Variants in DNAI7 observed in about 807,000 individuals in gnomAD.
The protein encoded by DNAI7 is cancer susceptibility 1.
A neutral mutation model predicts 86.6 loss-of-function variants in DNAI7; 78 were observed. The ratio of observed to expected loss-of-function variants is 0.90; its 90% CI spans 0.75 to 1.09. DNAI7 has a LOEUF of 1.09. DNAI7 is among the 50% of genes least tolerant of loss of function. The pLI is 0.00. For missense variants in DNAI7, 753 were observed against 810.2 expected (o/e 0.93, Z 0.86); for synonymous variants, 274 against 273.0 (o/e 1.00, Z -0.04).
chr12:25,173,926 T>TGG, intron 2 of DNAI7, among the ~76,000 whole-genome samples: 1 of 9,268 alleles, frequency 1.1e-4, no homozygotes, highest in Admixed American at 8.5e-4. Context: ...AATATATATA[T>TGG]CATATATAAT....
chr12:25,116,524 A>ACAGC (rs1940140843), intron 12 of DNAI7, among the ~76,000 whole-genome samples: 1 of 149,940 alleles, frequency 6.7e-6, no homozygotes, highest in African/African-American at 2.4e-5. Context: ...TTTTTTTCAG[A>ACAGC]GTTTCACTCT....
intron 9 of DNAI7, among the ~76,000 whole-genome samples, chr12:25,126,451 AG>A (rs1942146922): frequency 6.6e-6 from 1 of 152,160 alleles, no homozygotes; most frequent in Admixed American, 6.5e-5. Flanking sequence ...GACCTACCCA[AG>A]GCAGAAGCAA....
In DNAI7 at chr12:25,119,173, A is replaced by G. The variant is rs775332387; in HGVS notation, c.1368T>C (p.Asp456=). ...EVHENVIFFE[D]PVVVRWDAEG... ...CAGCATCCCACCTTACAACCACAGGATCCTCAAAAAAGATTACATTCTCAT... is the reference window on the plus strand; with the variant it reads ...CAGCATCCCACCTTACAACCACAGGGTCCTCAAAAAAGATTACATTCTCAT... Residue 456 remains aspartate, a synonymous_variant, in exon 12 of 16, where the codon GAT becomes GAC. Transcript: ENST00000395987. 2.5e-6 allele frequency: 4 copies of G among 1,609,942 alleles called. No homozygotes were observed. Among genetic ancestry groups the G allele is most frequent in the South Asian group, 1.1e-5 (1 of 89,488 alleles).
rs572279893 is a variant in DNAI7, at chr12:25,123,297, CCA to C, written c.1003-13_1003-12del. On this transcript the variant is annotated splice_polypyrimidine_tract_variant and intron_variant, in intron 9 of 15. Coordinates refer to ENST00000395987, the MANE Select transcript of DNAI7 (RefSeq NM_018272.5). The stretch of plus-strand genomic sequence containing the variant: ...TTCCTCAGCAGAACTCTATAAAAAA[CCA>C]CAGACATATGGGTGTGATTGTCAGT... The C allele has an allele frequency of 4.0e-4, 638 of 1,588,160 alleles. 8 individuals carry two copies. The South Asian group carries it at 6.7e-3, about 17-fold the overall frequency.
At chr12:25,138,884 A>AAC (rs1441774669) in intron 9 of DNAI7, among the ~76,000 whole-genome samples, 5 of 149,850 alleles carry the variant, frequency 3.3e-5, no homozygotes, top group Non-Finnish European at 7.4e-5. Context: ...AATTGAAACA[A>AAC]AAAAAAAAAT....
intron 6 of DNAI7, among the ~76,000 whole-genome samples, chr12:25,151,619 A>G (rs145725740): frequency 6.6e-6 from 1 of 152,332 alleles, no homozygotes; most frequent in African/African-American, 2.4e-5. Flanking sequence ...GCAAAGTACC[A>G]GATTCCTAAG....
intron 2 of DNAI7, among the ~76,000 whole-genome samples, chr12:25,172,504 T>A (rs978757509): frequency 2.0e-5 from 3 of 152,128 alleles, no homozygotes; most frequent in African/African-American, 7.2e-5. Flanking sequence ...GTAGAATCAA[T>A]ATTGTGAAAA....
At position 25,184,834 on chromosome 12, in the gene DNAI7, T is replaced by C. The variant is rs1949880220; in HGVS notation, c.21+5780A>G. ...CTGCCCAGCTCTGCAAATACCCTCA[T>C]GATAAAAATTGCTTTGGACTGGGCA... On this transcript the variant is annotated intron_variant, in intron 2 of 15. Coordinates refer to ENST00000395987, the MANE Select transcript of DNAI7 (RefSeq NM_018272.5). Among the ~76,000 whole-genome samples the C allele has an allele frequency of 1.3e-5, 2 of 152,006 alleles. 1 individual carries two copies. Among genetic ancestry groups the C allele is most frequent in the South Asian group, 4.1e-4 (2 of 4,832 alleles).
chr12:25,151,914 A>G (rs1415747550), intron 6 of DNAI7, among the ~76,000 whole-genome samples: 1 of 152,222 alleles, frequency 6.6e-6, no homozygotes, highest in Non-Finnish European at 1.5e-5. Flanking sequence ...TTATGACAAC[A>G]TGAAGAAGTT....
Position 25,166,262 on chromosome 12 carries a change from G to C in DNAI7, c.22-5065C>G, listed in dbSNP as rs375544897. Among the ~76,000 whole-genome samples the C allele has an allele frequency of 2.5e-3, 377 of 152,234 alleles. 2 individuals carry two copies. Among genetic ancestry groups the C allele is most frequent in the African/African-American group, 8.3e-3 (346 of 41,528 alleles). ...TTTTACCTGTCCTAAAACCAGACAA[G>C]GTTTACAGGTTAGTTCAGGATCTGC... On this transcript the variant is annotated intron_variant, in intron 2 of 15. Transcript: ENST00000395987.
chr12:25,139,982 C>A (rs1260840015), intron 9 of DNAI7, among the ~76,000 whole-genome samples: 3 of 152,060 alleles, frequency 2.0e-5, no homozygotes, highest in Admixed American at 6.6e-5. Context: ...AAGCATCTGA[C>A]AAAATCCAGC....
intron 11 of DNAI7, among the ~76,000 whole-genome samples, chr12:25,120,667 G>C (rs1941140314): frequency 6.6e-6 from 1 of 152,182 alleles, no homozygotes; most frequent in Non-Finnish European, 1.5e-5. Context: ...GGAGCTTGCA[G>C]TGAGCCAAGA....
rs1434754723 is a variant in DNAI7 at position 25,156,740 on chromosome 12, C to CA, written c.199-1329dup. Among the ~76,000 whole-genome samples the CA allele has an allele frequency of 2.1e-3, 300 of 143,162 alleles. 2 individuals carry two copies. Among genetic ancestry groups the CA allele is most frequent in the Admixed American group, 4.8e-3 (69 of 14,392 alleles). The allele number at this position is 143,162 out of a possible 152,430, so 93.9% of individuals were successfully genotyped here. A position where few individuals can be genotyped will look rare whatever the true frequency, so the allele number is the denominator to read the frequency against. The stretch of plus-strand genomic sequence containing the variant: ...TGGGTGACAGAACAAGACTCTGTCT[C>CA]AAAAAAAAAATGAAAAAATCTTCTG... On this transcript the variant is annotated intron_variant, in intron 4 of 15. Coordinates refer to ENST00000395987, the MANE Select transcript of DNAI7 (RefSeq NM_018272.5).
chr12:25,157,948 A>G (rs1946387667), intron 4 of DNAI7, among the ~76,000 whole-genome samples: 2 of 152,024 alleles, frequency 1.3e-5, no homozygotes, highest in African/African-American at 2.4e-5. Flanking sequence ...AAGTCTTGGC[A>G]GCCAGGCATG....
chr12:25,133,340 T>C (rs772954573), intron 9 of DNAI7, among the ~76,000 whole-genome samples: 4 of 152,174 alleles, frequency 2.6e-5, no homozygotes, highest in Non-Finnish European at 4.4e-5. Flanking sequence ...CCCTAACAAA[T>C]CCCATTAAAT....
At chr12:25,175,107 T>C (rs2141218455) in intron 2 of DNAI7, among the ~76,000 whole-genome samples, 1 of 152,134 alleles carries the variant, frequency 6.6e-6, no homozygotes, top group South Asian at 2.1e-4. Context: ...CAATAAGTTA[T>C]GAAAAAATAA....
In DNAI7 at chr12:25,138,009, A is replaced by C. The variant is rs151200767; in HGVS notation, c.1002+6356T>G. ...TCATCAAGACAGAAAATGGAAAAAA[A>C]AAAACAAAACAAAACTATACCCTAG... On this transcript the variant is annotated intron_variant, in intron 9 of 15. Coordinates refer to ENST00000395987, the MANE Select transcript of DNAI7 (RefSeq NM_018272.5). 4.3e-3 allele frequency among the ~76,000 whole-genome samples: 656 copies of C among 152,264 alleles called. 5 individuals carry two copies. Among genetic ancestry groups the C allele is most frequent in the African/African-American group, 0.015 (621 of 41,546 alleles).
chr12:25,169,901 T>A (rs1681876628), intron 2 of DNAI7, among the ~76,000 whole-genome samples: 1 of 148,560 alleles, frequency 6.7e-6, no homozygotes, highest in African/African-American at 2.5e-5. Context: ...GGATAAGAAC[T>A]CCCCAATCAA....
chr12:25,169,845 C>A (rs1947923265), intron 2 of DNAI7, among the ~76,000 whole-genome samples: 1 of 119,698 alleles, frequency 8.4e-6, no homozygotes. Flanking sequence ...AAGACTCTGT[C>A]TCAAAAAAAA....
Sources: allele counts gnomAD v4.1 joint callset (sites outside exome capture counted in the v4.1 genomes callset), GRCh38; gene constraint gnomAD v4.1.1; transcripts MANE v1.5; gene names NCBI Gene and HGNC (gene_info 2026-07-23, HGNC 2026-07-21).